ST7L: variants seen among roughly 807,000 people sequenced by gnomAD.
ST7L encodes suppressor of tumorigenicity 7 protein-like.
Under a neutral mutation model 72.5 loss-of-function variants are expected in ST7L, and 57 were observed. The ratio of observed to expected loss-of-function variants is 0.79; its 90% CI spans 0.64 to 0.98. The LOEUF is 0.98. Among genes scored for constraint, ST7L ranks in the 50% least tolerant of loss-of-function variants. The pLI, the probability that ST7L is intolerant of heterozygous loss-of-function variation, is 0.00. For synonymous variants in ST7L, 221 were observed against 240.9 expected (o/e 0.92, Z 0.77); for missense variants, 576 against 672.2 (o/e 0.86, Z 1.58).
chr1:112,531,394 C>T (rs1196580634), intron 14 of ST7L, among the ~76,000 whole-genome samples: 1 of 152,078 alleles, frequency 6.6e-6, no homozygotes, highest in Non-Finnish European at 1.5e-5. Flanking sequence ...AAGATGAATT[C>T]CAGCTGCTGA....
In ST7L at chr1:112,529,904, C is replaced by G. The variant is rs376359831; in HGVS notation, c.1630-3793G>C. 4 of 152,186 alleles carry G rather than the reference C, an allele frequency of 2.6e-5. No individual in the cohort carries two copies. The South Asian group carries it at 8.3e-4, about 32-fold the overall frequency. The allele number at this position is 152,186 out of a possible 1,614,324, so 9.4% of individuals were successfully genotyped here. A position where few individuals can be genotyped will look rare whatever the true frequency, so the allele number is the denominator to read the frequency against. On this transcript the variant is annotated intron_variant, in intron 14 of 14. Transcript: ENST00000358039. ...TAGCAGACACAGTTGCTAGTTTGAA[C>G]AGGAATGCAGATGAATGGATGAAAG...
intron 3 of ST7L, among the ~76,000 whole-genome samples, chr1:112,605,326 G>A (rs1668057121): frequency 6.6e-6 from 1 of 152,108 alleles, no homozygotes; most frequent in East Asian, 1.9e-4. Flanking sequence ...CCAGGCAGCA[G>A]AGGTTGCAGT....
intron 3 of ST7L, chr1:112,607,226 C>T (rs1668382850): frequency 6.6e-6 from 1 of 151,864 alleles, no homozygotes; most frequent in Admixed American, 6.6e-5. Flanking sequence ...GGAAGGGAAA[C>T]CACTTAGGAT....
At chr1:112,595,327 T>C (rs1381855426) in intron 5 of ST7L, among the ~76,000 whole-genome samples, 1 of 131,164 alleles carries the variant, frequency 7.6e-6, no homozygotes, top group Non-Finnish European at 1.5e-5. Context: ...ATTGCACCAT[T>C]GCACTCCAGC....
chr1:112,566,294 C>CTTTTTTT (rs33915951), intron 11 of ST7L, among the ~76,000 whole-genome samples: 91 of 108,964 alleles, frequency 8.4e-4, no homozygotes, highest in Middle Eastern at 4.6e-3. Context: ...TTTTCTTCTT[C>CTTTTTTT]TTCTTTTTTT....
At chr1:112,602,648 T>C (rs1558046277) in intron 3 of ST7L, among the ~76,000 whole-genome samples, 2 of 152,148 alleles carry the variant, frequency 1.3e-5, no homozygotes, top group Admixed American at 6.5e-5. Flanking sequence ...ACACCACTTT[T>C]ACTTGAAAGA....
In ST7L at chr1:112,598,048, T is replaced by C. The variant is rs773629921; in HGVS notation, c.545A>G (p.Tyr182Cys). The stretch of plus-strand genomic sequence containing the variant: ...GTCCTGAGCTGACAGGTTCATGTCA[T>C]AGTATGTAAGTGGCTCTTTACCAGT... ...WVTGKEPLTY[Y>C]DMNLSAQDHQ... is the part of the protein sequence containing the mutation. The change falls in exon 5 of 15, where the codon TAT (tyrosine) becomes TGT (cysteine). Residue 182 changes from tyrosine to cysteine, a missense_variant. Transcript: ENST00000358039. The C allele has an allele frequency of 5.6e-6, 9 of 1,613,450 alleles. No individual in the cohort carries two copies. Among genetic ancestry groups the C allele is most frequent in the East Asian group, 2.2e-5 (1 of 44,840 alleles).
At chr1:112,571,395 G>A in intron 11 of ST7L, 1 of 440,550 alleles carries the variant, frequency 2.3e-6, no homozygotes, top group South Asian at 1.6e-5. Flanking sequence ...GTATATGTGT[G>A]TATGTATATC....
At chr1:112,576,177 AC>A (rs990449931) in intron 11 of ST7L, among the ~76,000 whole-genome samples, 90 of 151,984 alleles carry the variant, frequency 5.9e-4, no homozygotes, top group African/African-American at 2.1e-3. Context: ...TACAGTCTCG[AC>A]CTCCTGGACT....
intron 11 of ST7L, among the ~76,000 whole-genome samples, chr1:112,564,264 C>T (rs1316082900): frequency 6.6e-6 from 1 of 152,160 alleles, no homozygotes; most frequent in African/African-American, 2.4e-5. Context: ...CAAGAAAACT[C>T]CTTTCCACAT....
chr1:112,526,462 G>A (rs1368055398), intron 14 of ST7L: 9 of 174,756 alleles, frequency 5.2e-5, no homozygotes, highest in Non-Finnish European at 7.4e-5. Context: ...ATCAGAGGCC[G>A]GGTGCAGTGG....
chr1:112,569,949 T>C (rs1200839055), intron 11 of ST7L, among the ~76,000 whole-genome samples: 8 of 144,068 alleles, frequency 5.6e-5, no homozygotes, highest in Non-Finnish European at 1.1e-4. Flanking sequence ...CAGAGGAAGA[T>C]TCTGTCTCAA....
At chr1:112,576,306 A>G (rs1422575992) in intron 11 of ST7L, among the ~76,000 whole-genome samples, 1 of 152,104 alleles carries the variant, frequency 6.6e-6, no homozygotes, top group Non-Finnish European at 1.5e-5. Flanking sequence ...CCCAGCCGCT[A>G]GTCCCAAACT....
intron 9 of ST7L, among the ~76,000 whole-genome samples, chr1:112,581,039 C>G (rs980844041): frequency 3.3e-5 from 5 of 152,192 alleles, no homozygotes; most frequent in African/African-American, 7.2e-5. Context: ...AGACCTTACT[C>G]CAATACTTTA....
At chr1:112,537,259 A>G (rs1400721970) in intron 14 of ST7L, among the ~76,000 whole-genome samples, 1 of 152,182 alleles carries the variant, frequency 6.6e-6, no homozygotes, top group Non-Finnish European at 1.5e-5. Flanking sequence ...TCAGCCTTCC[A>G]AAGTGCTGAG....
At position 112,608,044 on chromosome 1, in the gene ST7L, A is replaced by C. The variant is rs995043420; in HGVS notation, c.451+2797T>G. ...AAATTTTTTTTTCCCCCTTGGAGAG[A>C]GGGTCTTGCTCTGTCACCCAGGCTG... is the stretch of plus-strand genomic sequence containing the variant. On this transcript the variant is annotated intron_variant, in intron 3 of 14. Transcript: ENST00000358039. Among the ~76,000 whole-genome samples, 4 of 152,034 alleles carry C rather than the reference A, an allele frequency of 2.6e-5. No homozygotes were observed. The East Asian group carries it at 7.7e-4, about 29-fold the overall frequency.
chr1:112,526,267 C>T lies in ST7L; in HGVS notation c.1630-156G>A, dbSNP rs143470341. 27 of 905,910 alleles carry T rather than the reference C, an allele frequency of 3.0e-5. No homozygotes were observed. The African/African-American group carries it at 4.0e-4, about 13-fold the overall frequency. 56.1% of individuals were successfully genotyped at this position (905,910 alleles called of 1,614,324 possible). A position where few individuals can be genotyped will look rare whatever the true frequency, so the allele number is the denominator to read the frequency against. On this transcript the variant is annotated intron_variant, in intron 14 of 14. Coordinates refer to ENST00000358039, the MANE Select transcript of ST7L (RefSeq NM_017744.5). ...TTTGCCATTTCTGCCACTATTACCA[C>T]CAGTACCATGTGACCACTATACAAC...
chr1:112,547,193 CTTTTTTTTT>C (rs759140130), intron 13 of ST7L, among the ~76,000 whole-genome samples: 1 of 137,524 alleles, frequency 7.3e-6, no homozygotes, highest in African/African-American at 2.7e-5. Context: ...TTCTTTCTTT[CTTTTTTTTT>C]TTTTTTTTGA....
intron 14 of ST7L, among the ~76,000 whole-genome samples, chr1:112,534,148 A>T (rs560043058): frequency 6.6e-6 from 1 of 151,720 alleles, no homozygotes; most frequent in Admixed American, 6.6e-5. Context: ...TTCATTTAAA[A>T]CTCTTCTCCA....
Sources: gnomAD v4.1 joint callset for allele counts (sites outside exome capture counted in the v4.1 genomes callset) on GRCh38, gnomAD v4.1.1 for gene constraint, MANE v1.5 for transcripts, NCBI Gene and HGNC (gene_info 2026-07-23, HGNC 2026-07-21) for gene names.